Variants in LY86 observed in about 807,000 individuals in gnomAD.
LY86 encodes the protein lymphocyte antigen 86, also known as MD-1, RP105-associated.
LY86 carries 20 observed loss-of-function variants against 17.3 expected under a neutral mutation model. The observed-to-expected ratio is 1.15, with a 90% confidence interval of 0.81 to 1.68. LY86 has a LOEUF of 1.68. Among genes scored for constraint, LY86 ranks in the 40% most tolerant of loss-of-function variants. The pLI is 0.00. For missense variants in LY86, 200 were observed against 191.9 expected, an observed-to-expected ratio of 1.04 and a Z score of -0.25; for synonymous variants, 74 against 70.6, an observed-to-expected ratio of 1.05 and a Z score of -0.24.
At chr6:6,634,056 C>T (rs1014340957) in intron 3 of LY86, among the ~76,000 whole-genome samples, 3 of 152,074 alleles carry the variant, frequency 2.0e-5, no homozygotes, top group Non-Finnish European at 4.4e-5. Context: ...TGTCAGGATC[C>T]GAGAGAGGTG....
At chr6:6,602,608 A>C (rs542667156) in intron 1 of LY86, among the ~76,000 whole-genome samples, 92 of 152,292 alleles carry the variant, frequency 6.0e-4, no homozygotes, top group African/African-American at 2.2e-3. Context: ...TGAAGAAGCG[A>C]GACAGGGAAG....
chr6:6,602,437 C>T (rs1006811398), intron 1 of LY86, among the ~76,000 whole-genome samples: 42 of 152,192 alleles, frequency 2.8e-4, no homozygotes, highest in African/African-American at 8.7e-4. Context: ...GTGATGAAAC[C>T]ACATCGGAAT....
chr6:6,606,778 CG>C (rs1385914985), intron 1 of LY86, among the ~76,000 whole-genome samples: 1 of 152,076 alleles, frequency 6.6e-6, no homozygotes, highest in African/African-American at 2.4e-5. Context: ...AAGCGCCGCG[CG>C]CAGCCCGGGT....
chr6:6,634,600 C>T (rs934484288), intron 3 of LY86, among the ~76,000 whole-genome samples: 1 of 152,176 alleles, frequency 6.6e-6, no homozygotes, highest in Admixed American at 6.5e-5. Context: ...CTTTTCATTA[C>T]GTTTCTTAAT....
At chr6:6,637,305 C>G (rs1298896356) in intron 3 of LY86, among the ~76,000 whole-genome samples, 1 of 152,164 alleles carries the variant, frequency 6.6e-6, no homozygotes, top group East Asian at 1.9e-4. Context: ...GCCACCGCAC[C>G]TGGCCACATA....
At chr6:6,603,603 C>CAACAAAAAAAAAAAAAAAAAAAAAAAAAA (rs1207511602) in intron 1 of LY86, among the ~76,000 whole-genome samples, 1 of 70,464 alleles carries the variant, frequency 1.4e-5, no homozygotes, top group African/African-American at 4.5e-5. Flanking sequence ...AAAACAGAAA[C>CAACAAAAAAAAAAAAAAAAAAAAAAAAAA]AGAAAAAAAA....
chr6:6,613,809 C>T (rs938558652), intron 1 of LY86, among the ~76,000 whole-genome samples: 3 of 152,238 alleles, frequency 2.0e-5, no homozygotes, highest in East Asian at 1.9e-4. Context: ...CTCAATAGGG[C>T]CCCTTACTTT....
chr6:6,602,580 T>C (rs891123113), intron 1 of LY86, among the ~76,000 whole-genome samples: 21 of 152,264 alleles, frequency 1.4e-4, no homozygotes, highest in African/African-American at 4.3e-4. Context: ...GAAATGATCC[T>C]GGTAGGCACC....
intron 1 of LY86, among the ~76,000 whole-genome samples, chr6:6,614,689 C>T (rs768632969): frequency 4.6e-5 from 7 of 152,080 alleles, no homozygotes; most frequent in African/African-American, 1.7e-4. Flanking sequence ...CATCTCAAAT[C>T]TTTTCATGCC....
intron 1 of LY86, among the ~76,000 whole-genome samples, chr6:6,600,446 C>T (rs1760864065): frequency 6.6e-6 from 1 of 151,798 alleles, no homozygotes; most frequent in South Asian, 2.1e-4. Flanking sequence ...AAAAAATTAG[C>T]CAGGTGTGGT....
chr6:6,619,982 T>C (rs4639390), intron 1 of LY86, among the ~76,000 whole-genome samples: 3,959 of 152,084 alleles, frequency 0.026, 73 homozygotes, highest in Middle Eastern at 0.054. Context: ...GCCATGAGTA[T>C]GTGGAAGGCT....
At chr6:6,603,079 TC>T (rs1258050478) in intron 1 of LY86, among the ~76,000 whole-genome samples, 1 of 151,790 alleles carries the variant, frequency 6.6e-6, no homozygotes, top group East Asian at 1.9e-4. Context: ...CAGATGGTCC[TC>T]CCGACTCTGT....
At chr6:6,639,652 T>TACCTCCC (rs886919547) in intron 3 of LY86, among the ~76,000 whole-genome samples, 2 of 152,194 alleles carry the variant, frequency 1.3e-5, no homozygotes, top group African/African-American at 4.8e-5. Context: ...TCTGATCTCC[T>TACCTCCC]ACCTCCCTCT....
chr6:6,630,565 G>T (rs1285305540), intron 3 of LY86, among the ~76,000 whole-genome samples: 1 of 152,200 alleles, frequency 6.6e-6, no homozygotes, highest in East Asian at 1.9e-4. Context: ...GAGCTTCATT[G>T]AATGTCCTTA....
In LY86 at chr6:6,626,275, T is replaced by C; in HGVS notation, c.224-18T>C. 2 of 1,612,898 alleles carry C rather than the reference T, an allele frequency of 1.2e-6. No individual in the cohort carries two copies. Among genetic ancestry groups the C allele is most frequent in the Non-Finnish European group, 8.5e-7 (1 of 1,179,630 alleles). On this transcript the variant is annotated intron_variant, in intron 2 of 4. Coordinates refer to ENST00000230568, the MANE Select transcript of LY86 (RefSeq NM_004271.4). Reference sequence around the variant, plus strand: ...GAAACACGCAGTAAGAGTAAAGCTGTTCTTCTCTTTCCTCCAGGAGAGGAC... The same window carrying C: ...GAAACACGCAGTAAGAGTAAAGCTGCTCTTCTCTTTCCTCCAGGAGAGGAC...
intron 1 of LY86, among the ~76,000 whole-genome samples, chr6:6,600,271 C>T (rs146249637): frequency 7.2e-5 from 11 of 152,188 alleles, no homozygotes; most frequent in African/African-American, 2.6e-4. Context: ...AAACACATAA[C>T]CATGACAGGG....
chr6:6,624,761 G>T (rs2233121), intron 1 of LY86, among the ~76,000 whole-genome samples, 165 bp from the exon 2 acceptor site: 12 of 152,240 alleles, frequency 7.9e-5, no homozygotes, highest in East Asian at 1.9e-4. Context: ...GAAGACACGG[G>T]GGGGAGCTGA....
At chr6:6,624,880 A>G (rs768219674) in intron 1 of LY86, 46 bp from the exon 2 acceptor site, 3 of 868,828 alleles carry the variant, frequency 3.5e-6, no homozygotes, top group Non-Finnish European at 5.6e-6. Flanking sequence ...ATGTTTGCAA[A>G]ATATACGATG....
At chr6:6,613,643 C>T (rs569130837) in intron 1 of LY86, among the ~76,000 whole-genome samples, 10 of 152,358 alleles carry the variant, frequency 6.6e-5, no homozygotes, top group South Asian at 6.2e-4. Context: ...CATATCTCCC[C>T]GCAAGCTGAG....
Sources: allele counts gnomAD v4.1 joint callset (sites outside exome capture counted in the v4.1 genomes callset), GRCh38; gene constraint gnomAD v4.1.1; transcripts MANE v1.5; gene names NCBI Gene and HGNC (gene_info 2026-07-23, HGNC 2026-07-21).